Variants in NAALADL2 observed in about 807,000 individuals in gnomAD.
NAALADL2 encodes the protein N-acetylated alpha-linked acidic dipeptidase like 2.
A neutral mutation model predicts 87.2 loss-of-function variants in NAALADL2; 76 were observed. The observed-to-expected ratio is 0.87, with a 90% CI of 0.72 to 1.05. The LOEUF is 1.05. NAALADL2 is among the 50% of genes least tolerant of loss of function. NAALADL2 has a pLI of 0.00. For synonymous variants in NAALADL2, 354 were observed against 331.0 expected (o/e 1.07, Z -0.75); for missense variants, 1,089 against 945.8 (o/e 1.15, Z -1.99).
At chr3:175,294,780 G>A (rs35064600) in intron 4 of NAALADL2, among the ~76,000 whole-genome samples, 68,082 of 152,072 alleles carry the variant, frequency 0.45, 16,244 homozygotes, top group Non-Finnish European at 0.52. Flanking sequence ...TGTGTCAAGA[G>A]TATCAAAAAC....
intron 1 of NAALADL2, among the ~76,000 whole-genome samples, chr3:174,513,946 T>A (rs527751241): frequency 6.6e-6 from 1 of 152,096 alleles, no homozygotes; most frequent in Non-Finnish European, 1.5e-5. Flanking sequence ...GTCTTCTTTT[T>A]CTCTCTCTCT....
intron 1 of NAALADL2, among the ~76,000 whole-genome samples, chr3:174,899,557 C>T (rs1732054730): frequency 6.6e-6 from 1 of 152,166 alleles, no homozygotes; most frequent in South Asian, 2.1e-4. Context: ...TCTGCTTCCC[C>T]TTTGCCTTCT....
intron 9 of NAALADL2, among the ~76,000 whole-genome samples, chr3:175,537,400 T>C (rs116486832): frequency 2.0e-5 from 3 of 152,222 alleles, no homozygotes; most frequent in Non-Finnish European, 4.4e-5. Flanking sequence ...CAGAGATTGA[T>C]CTTAGAAAGT....
intron 13 of NAALADL2, among the ~76,000 whole-genome samples, chr3:175,769,973 G>T (rs932836971): frequency 7.4e-5 from 10 of 135,404 alleles, no homozygotes; most frequent in African/African-American, 3.0e-4. Context: ...TCTTGTTCAG[G>T]GTGCCTCATG....
intron 5 of NAALADL2, among the ~76,000 whole-genome samples, chr3:175,329,223 A>G (rs1419460664): frequency 1.3e-5 from 2 of 152,174 alleles, no homozygotes; most frequent in Non-Finnish European, 2.9e-5. Flanking sequence ...TCTTTCTGCT[A>G]CAATCCTTTT....
At chr3:175,570,436 C>T (rs1717883557) in intron 9 of NAALADL2, among the ~76,000 whole-genome samples, 1 of 152,216 alleles carries the variant, frequency 6.6e-6, no homozygotes, top group Admixed American at 6.5e-5. Flanking sequence ...AACCATCACA[C>T]TGCCCTATAG....
At chr3:175,106,424 C>T (rs555503306) in intron 2 of NAALADL2, among the ~76,000 whole-genome samples, 1 of 152,086 alleles carries the variant, frequency 6.6e-6, no homozygotes, top group Non-Finnish European at 1.5e-5. Context: ...GAGCTAGTCA[C>T]ATTTTTCTTG....
At chr3:175,187,113 C>T (rs1447322383) in intron 2 of NAALADL2, among the ~76,000 whole-genome samples, 1 of 152,130 alleles carries the variant, frequency 6.6e-6, no homozygotes, top group East Asian at 1.9e-4. Flanking sequence ...GATTGACCCT[C>T]ATCTAGGGGA....
At chr3:175,606,236 A>G (rs1449354812) in intron 10 of NAALADL2, among the ~76,000 whole-genome samples, 1 of 152,198 alleles carries the variant, frequency 6.6e-6, no homozygotes, top group Non-Finnish European at 1.5e-5. Context: ...CACCTTGGTT[A>G]AAAACAGGTG....
chr3:175,384,867 G>C (rs1421079563), intron 5 of NAALADL2, among the ~76,000 whole-genome samples: 3 of 150,378 alleles, frequency 2.0e-5, no homozygotes, highest in African/African-American at 7.3e-5. Flanking sequence ...TTTATTTCCA[G>C]AAATTAAGAA....
intron 1 of NAALADL2, among the ~76,000 whole-genome samples, chr3:174,488,558 A>G (rs1440302243): frequency 2.0e-5 from 3 of 152,098 alleles, no homozygotes; most frequent in Non-Finnish European, 2.9e-5. Context: ...AGGATGCAGT[A>G]TGTAAAAACT....
intron 3 of NAALADL2, among the ~76,000 whole-genome samples, chr3:174,780,059 G>A (rs1715747639): frequency 6.6e-6 from 1 of 152,196 alleles, no homozygotes; most frequent in East Asian, 1.9e-4. Context: ...AATTACTTTG[G>A]GCAGTATGGC....
At position 175,246,427 on chromosome 3, in the gene NAALADL2, CTT is replaced by C. The variant is rs377543487; in HGVS notation, c.820-9983_820-9982del. On this transcript the variant is annotated intron_variant, in intron 3 of 13. Coordinates refer to ENST00000454872, the MANE Select transcript of NAALADL2 (RefSeq NM_207015.3). Reference sequence around the variant, plus strand: ...AACATTTTGTACATTCTGAGTCTCTCTTAGAGAACGAGAAAGGCTCAGAATGA... The same window carrying C: ...AACATTTTGTACATTCTGAGTCTCTCAGAGAACGAGAAAGGCTCAGAATGA... Among the ~76,000 whole-genome samples the C allele has an allele frequency of 3.4e-4, 51 of 152,196 alleles. 2 individuals carry two copies. In the South Asian group the frequency reaches 0.011, roughly 32 times the overall value.
At chr3:175,347,201 C>A (rs912980884) in intron 5 of NAALADL2, among the ~76,000 whole-genome samples, 5 of 152,190 alleles carry the variant, frequency 3.3e-5, no homozygotes, top group African/African-American at 4.8e-5. Context: ...ACTGATACTG[C>A]TGACATCTCT....
At chr3:174,851,224 C>G (rs28832882) in intron 3 of NAALADL2, among the ~76,000 whole-genome samples, 30,484 of 151,732 alleles carry the variant, frequency 0.2, 3,286 homozygotes, top group East Asian at 0.44. Flanking sequence ...CAACCAAACT[C>G]AATCTTAGTA....
At chr3:175,574,954 G>C (rs1560783385) in intron 9 of NAALADL2, among the ~76,000 whole-genome samples, 2 of 152,022 alleles carry the variant, frequency 1.3e-5, no homozygotes, top group Non-Finnish European at 2.9e-5. Context: ...ATTCTTCCAC[G>C]TTTCATAGTT....
intron 3 of NAALADL2, among the ~76,000 whole-genome samples, chr3:175,249,071 A>G (rs1005623253): frequency 6.6e-6 from 1 of 152,084 alleles, no homozygotes; most frequent in Non-Finnish European, 1.5e-5. Context: ...AGGAATTAGT[A>G]GATTATTTAT....
intron 9 of NAALADL2, among the ~76,000 whole-genome samples, chr3:175,512,717 G>C (rs1259235204): frequency 6.6e-6 from 1 of 152,144 alleles, no homozygotes; most frequent in East Asian, 1.9e-4. Flanking sequence ...AAGACCAGCA[G>C]TCTTCCAAAT....
At chr3:174,624,028 C>A (rs1721305212) in intron 2 of NAALADL2, among the ~76,000 whole-genome samples, 1 of 151,994 alleles carries the variant, frequency 6.6e-6, no homozygotes, top group African/African-American at 2.4e-5. Flanking sequence ...TTTTTCTAAG[C>A]ATAGTTTAAA....
Sources: allele counts gnomAD v4.1 joint callset (sites outside exome capture counted in the v4.1 genomes callset), GRCh38; gene constraint gnomAD v4.1.1; transcripts MANE v1.5; gene names NCBI Gene and HGNC (gene_info 2026-07-23, HGNC 2026-07-21).